ZNF736: variants seen among roughly 807,000 people sequenced by gnomAD.
ZNF736 encodes the protein KRAB-containing zinc-finger repressor protein.
ZNF736 carries 6 observed loss-of-function variants against 11.7 expected under a neutral mutation model. That is an observed-to-expected ratio of 0.51 (90% CI 0.28 to 1.01). The LOEUF (loss-of-function observed/expected upper bound fraction) is 1.01, where lower values mean the gene tolerates loss of function less well. ZNF736 is among the 50% of genes least tolerant of loss of function. The pLI, the probability that ZNF736 is intolerant of heterozygous loss-of-function variation, is 0.09. For missense variants in ZNF736, 444 were observed against 496.0 expected (o/e 0.90, Z 1.00); for synonymous variants, 139 against 164.7 (o/e 0.84, Z 1.19).
In ZNF736 at chr7:64,314,038, TCTC is replaced by T; in HGVS notation, c.-108_-106del. On this transcript the variant is annotated 5_prime_UTR_variant, in exon 1 of 4. Coordinates refer to ENST00000423484, the MANE Select transcript of ZNF736 (RefSeq NM_001170905.3). ...CCTAGTTCGCGTCTCCACTGTTCCA[TCTC>T]CTCCGTTCCTGGAGTTCCTCGGTGA... 6.9e-7 allele frequency: 1 copy of T among 1,446,660 alleles called. No homozygotes were observed. The highest frequency in any genetic ancestry group is 9.5e-7 in the Non-Finnish European group (1 of 1,053,250). The allele number at this position is 1,446,660 out of a possible 1,614,324, so 89.6% of individuals were successfully genotyped here.
intron 1 of ZNF736, among the ~76,000 whole-genome samples, chr7:64,321,744 G>T (rs2115877915): frequency 6.6e-6 from 1 of 152,278 alleles, no homozygotes; most frequent in East Asian, 1.9e-4. Flanking sequence ...GTTCAAGAGG[G>T]ATGTTGGATG....
At chr7:64,336,220 C>T in intron 1 of ZNF736, 39 bp from the exon 2 acceptor site, 1 of 1,589,810 alleles carries the variant, frequency 6.3e-7, no homozygotes, top group African/African-American at 1.3e-5. Flanking sequence ...ATCAAGAATT[C>T]TTTCTATGGT....
intron 1 of ZNF736, among the ~76,000 whole-genome samples, chr7:64,332,714 C>G (rs7780722): frequency 0.24 from 37,054 of 151,940 alleles, 4,829 homozygotes; most frequent in African/African-American, 0.3. Flanking sequence ...ACTCCCAGAG[C>G]TGCCGTTTAT....
intron 1 of ZNF736, among the ~76,000 whole-genome samples, chr7:64,314,447 G>A (rs550816784): frequency 1.3e-5 from 2 of 152,262 alleles, no homozygotes; most frequent in African/African-American, 4.8e-5. Context: ...ATTGTGTGGG[G>A]GTGTTGGGAG....
rs1307879031 is a variant in ZNF736, at chr7:64,348,338, A to G, written c.475A>G (p.Ile159Val). 6 of 1,551,634 alleles carry G rather than the reference A, an allele frequency of 3.9e-6. No homozygotes were observed. Among genetic ancestry groups the G allele is most frequent in the East Asian group, 2.4e-5 (1 of 40,906 alleles). ...KCGRGFQLCS[I>V]FTEHKDIFSR... ...TGGCAGAGGTTTTCAGTTGTGCTCAATCTTCACTGAACATAAAGACATTTT... is the reference window on the plus strand; with the variant it reads ...TGGCAGAGGTTTTCAGTTGTGCTCAGTCTTCACTGAACATAAAGACATTTT... The change falls in exon 4 of 4, where the codon ATC (isoleucine) becomes GTC (valine). Residue 159 changes from isoleucine to valine, a missense_variant. Transcript: ENST00000423484.
At chr7:64,314,274 C>T (rs1394952660) in intron 1 of ZNF736, 121 bp downstream of exon 1, 4 of 1,276,704 alleles carry the variant, frequency 3.1e-6, no homozygotes, top group East Asian at 2.6e-5. Context: ...TCCCCGAGTC[C>T]CCGCGGGCAC....
intron 1 of ZNF736, among the ~76,000 whole-genome samples, chr7:64,327,037 G>T (rs1160018726): frequency 6.6e-6 from 1 of 152,144 alleles, no homozygotes; most frequent in Non-Finnish European, 1.5e-5. Flanking sequence ...TTGATGAAAT[G>T]CTTTGTAAAT....
At chr7:64,339,870 A>G (rs765078047) in intron 3 of ZNF736, among the ~76,000 whole-genome samples, 2 of 152,156 alleles carry the variant, frequency 1.3e-5, no homozygotes, top group African/African-American at 4.8e-5. Context: ...AAATTTTCCA[A>G]TTTTATAAAC....
At chr7:64,338,964 T>G (rs1789298215) in intron 3 of ZNF736, among the ~76,000 whole-genome samples, 1 of 152,012 alleles carries the variant, frequency 6.6e-6, no homozygotes, top group Non-Finnish European at 1.5e-5. Context: ...GTACAGCATC[T>G]TTTCTTTAAT....
At chr7:64,325,164 T>A (rs1789066188) in intron 1 of ZNF736, among the ~76,000 whole-genome samples, 1 of 91,180 alleles carries the variant, frequency 1.1e-5, no homozygotes, top group African/African-American at 3.1e-5. Flanking sequence ...GAAAAACCAG[T>A]TGTAAAAAAA....
intron 3 of ZNF736, among the ~76,000 whole-genome samples, chr7:64,343,756 A>G (rs1169646206): frequency 6.6e-6 from 1 of 152,132 alleles, no homozygotes; most frequent in Non-Finnish European, 1.5e-5. Flanking sequence ...ACAGTAGCCT[A>G]TGTCACATTA....
chr7:64,331,742 G>A (rs1789170507), intron 1 of ZNF736, among the ~76,000 whole-genome samples: 1 of 152,162 alleles, frequency 6.6e-6, no homozygotes, highest in Admixed American at 6.5e-5. Flanking sequence ...GGTGAGTTTA[G>A]CTTTAGTTCC....
At position 64,351,606 on chromosome 7, in the gene ZNF736, C is replaced by G. The variant is rs1163430180; in HGVS notation, c.*2459C>G. 6.6e-6 allele frequency: 1 copy of G among 152,254 alleles called. No homozygotes were observed. The highest frequency in any genetic ancestry group is 2.4e-5 in the African/African-American group (1 of 41,444). The allele number at this position is 152,254 out of a possible 1,614,324, so 9.4% of individuals were successfully genotyped here. A position where few individuals can be genotyped will look rare whatever the true frequency, so the allele number is the denominator to read the frequency against. On this transcript the variant is annotated 3_prime_UTR_variant, in exon 4 of 4. Transcript: ENST00000423484. Reference sequence around the variant, plus strand: ...TCTTCTGATTTGCAAGACCATCCTGCAGAAATTAGGCCCAACAGTTCCCGT... The same window carrying G: ...TCTTCTGATTTGCAAGACCATCCTGGAGAAATTAGGCCCAACAGTTCCCGT...
rs1480395704 is a variant in ZNF736 at position 64,354,843 on chromosome 7, T to G, written c.*5696T>G. ...ACATAATTGAGTTTATTAAATTTAT[T>G]GGGCCAATTTAAGTAAACAGTTGAA... On this transcript the variant is annotated 3_prime_UTR_variant, in exon 4 of 4. Transcript: ENST00000423484. 1.3e-5 allele frequency: 2 copies of G among 152,224 alleles called. No individual in the cohort carries two copies. Among genetic ancestry groups the G allele is most frequent in the African/African-American group, 4.8e-5 (2 of 41,460 alleles). The allele number at this position is 152,224 out of a possible 1,614,324, so 9.4% of individuals were successfully genotyped here. A position where few individuals can be genotyped will look rare whatever the true frequency, so the allele number is the denominator to read the frequency against.
chr7:64,316,359 T>TCA (rs1256098613), intron 1 of ZNF736, among the ~76,000 whole-genome samples: 1 of 152,222 alleles, frequency 6.6e-6, no homozygotes, highest in Non-Finnish European at 1.5e-5. Flanking sequence ...GGTCAACCAA[T>TCA]CAGGTGCTGA....
At chr7:64,340,403 T>A (rs1405865713) in intron 3 of ZNF736, among the ~76,000 whole-genome samples, 1 of 144,602 alleles carries the variant, frequency 6.9e-6, no homozygotes, top group Non-Finnish European at 1.5e-5. Context: ...ATGGAGTCAC[T>A]ACAGAATTTT....
At chr7:64,322,603 C>T (rs1230896077) in intron 1 of ZNF736, among the ~76,000 whole-genome samples, 1 of 151,984 alleles carries the variant, frequency 6.6e-6, no homozygotes, top group South Asian at 2.1e-4. Flanking sequence ...GAAGAAAGTT[C>T]GCTTTAAAAA....
chr7:64,338,403 C>T (rs1161417336), intron 3 of ZNF736, among the ~76,000 whole-genome samples: 1 of 152,152 alleles, frequency 6.6e-6, no homozygotes, highest in African/African-American at 2.4e-5. Context: ...GCATACATAA[C>T]AGTATTACTT....
intron 1 of ZNF736, among the ~76,000 whole-genome samples, chr7:64,332,881 C>T (rs976804272): frequency 4.6e-5 from 7 of 152,178 alleles, no homozygotes; most frequent in Non-Finnish European, 7.3e-5. Flanking sequence ...CCCGCAGGTA[C>T]TCAGACCTTA....
Sources: allele counts gnomAD v4.1 joint callset (sites outside exome capture counted in the v4.1 genomes callset), GRCh38; gene constraint gnomAD v4.1.1; transcripts MANE v1.5; gene names NCBI Gene and HGNC (gene_info 2026-07-23, HGNC 2026-07-21).